CCDC171: variants seen among roughly 807,000 people sequenced by gnomAD.
CCDC171 encodes coiled-coil domain-containing protein 171.
CCDC171 carries 177 observed loss-of-function variants against 168.2 expected under a neutral mutation model. That is an observed-to-expected ratio of 1.05 (90% CI 0.93 to 1.19). The LOEUF (loss-of-function observed/expected upper bound fraction) is 1.19. Ranked by LOEUF, CCDC171 falls within the 50% of genes most tolerant of loss-of-function variation. The pLI, the probability that CCDC171 is intolerant of heterozygous loss-of-function variation, is 0.00. For synonymous variants in CCDC171, 687 were observed against 540.8 expected, an observed-to-expected ratio of 1.27 and a Z score of -3.75; for missense variants, 1,991 against 1,539.0, an observed-to-expected ratio of 1.29 and a Z score of -4.91.
intron 24 of CCDC171, among the ~76,000 whole-genome samples, chr9:15,897,641 A>G (rs1420367435): frequency 6.6e-6 from 1 of 152,144 alleles, no homozygotes; most frequent in Admixed American, 6.6e-5. Context: ...CTGGTGTCAT[A>G]GCAAAATTCA....
At chr9:16,084,862 T>C in the CCDC171 span, among the ~76,000 whole-genome samples, 1 of 152,126 alleles carries the variant, frequency 6.6e-6, no homozygotes. Context: ...AGAATGAACA[T>C]GGAATTTCCT....
intron 3 of CCDC171, among the ~76,000 whole-genome samples, chr9:16,002,475 T>C (rs999750746): frequency 3.3e-5 from 5 of 151,866 alleles, no homozygotes; most frequent in Non-Finnish European, 7.4e-5. Flanking sequence ...AGAAAGAAAA[T>C]AGTTTTGTAC....
upstream of CCDC171, among the ~76,000 whole-genome samples, chr9:16,039,497 A>C (rs78982569): frequency 0.016 from 2,480 of 152,310 alleles, 65 homozygotes; most frequent in African/African-American, 0.057. Flanking sequence ...GGAAGAATAC[A>C]GTGGCTCAGA....
At chr9:16,019,303 A>T (rs1163813261) in intron 3 of CCDC171, among the ~76,000 whole-genome samples, 2 of 152,130 alleles carry the variant, frequency 1.3e-5, no homozygotes, top group Non-Finnish European at 2.9e-5. Context: ...AGTGGTGGGG[A>T]TGAATCTGAG....
chr9:15,584,137 G>A (rs1563986515), intron 4 of CCDC171, among the ~76,000 whole-genome samples: 1 of 152,196 alleles, frequency 6.6e-6, no homozygotes. Context: ...AAAGTGCTGG[G>A]ATTACAGGCG....
chr9:15,774,769 C>G (rs1377631405), intron 18 of CCDC171, among the ~76,000 whole-genome samples: 1 of 152,228 alleles, frequency 6.6e-6, no homozygotes, highest in Non-Finnish European at 1.5e-5. Context: ...GAATACTACT[C>G]AGCCACAAAA....
At chr9:16,006,470 G>A (rs1377290999) in intron 3 of CCDC171, among the ~76,000 whole-genome samples, 2 of 152,092 alleles carry the variant, frequency 1.3e-5, no homozygotes, top group African/African-American at 2.4e-5. Context: ...TAGGGTACAT[G>A]TGCACAACGT....
chr9:15,900,848 C>G (rs1312469536), intron 24 of CCDC171, among the ~76,000 whole-genome samples: 2 of 152,128 alleles, frequency 1.3e-5, no homozygotes, highest in African/African-American at 4.8e-5. Flanking sequence ...GTTTTTGTTT[C>G]TGGGGACAAA....
At chr9:15,676,013 C>A (rs1397390800) in intron 9 of CCDC171, among the ~76,000 whole-genome samples, 1 of 152,178 alleles carries the variant, frequency 6.6e-6, no homozygotes, top group South Asian at 2.1e-4. Context: ...GTACACCAAT[C>A]AAATGCAGGT....
At chr9:15,902,273 TATATATATAC>T (rs1563967321) in intron 24 of CCDC171, among the ~76,000 whole-genome samples, 158 of 86,924 alleles carry the variant, frequency 1.8e-3, no homozygotes, top group African/African-American at 5.3e-3. Flanking sequence ...TATATATATA[TATATATATAC>T]ACACACACAC....
chr9:15,654,668 G>T (rs749910813), intron 7 of CCDC171, among the ~76,000 whole-genome samples: 1 of 152,090 alleles, frequency 6.6e-6, no homozygotes. Flanking sequence ...GGCTAAGGGG[G>T]TGGAGCCAAG....
At chr9:15,860,212 T>C (rs778925126) in intron 23 of CCDC171, among the ~76,000 whole-genome samples, 7 of 151,810 alleles carry the variant, frequency 4.6e-5, no homozygotes, top group Non-Finnish European at 7.4e-5. Context: ...TTTCAAAATA[T>C]AAACTCTTAG....
At chr9:16,092,183 C>A in the CCDC171 span, among the ~76,000 whole-genome samples, 1 of 152,252 alleles carries the variant, frequency 6.6e-6, no homozygotes, top group African/African-American at 2.4e-5. Flanking sequence ...TCCAGGTTTC[C>A]TTCATTCCCT....
At chr9:15,839,081 G>A (rs898597294) in intron 21 of CCDC171, among the ~76,000 whole-genome samples, 1 of 152,106 alleles carries the variant, frequency 6.6e-6, no homozygotes, top group Admixed American at 6.6e-5. Flanking sequence ...ATGGAGTGCT[G>A]TACAATTCAT....
rs545021243 is a variant in CCDC171, at chr9:15,781,471, G to T, written c.3081+2321G>T. 3.3e-5 allele frequency among the ~76,000 whole-genome samples: 5 copies of T among 152,308 alleles called. No individual in the cohort carries two copies. The East Asian group carries it at 9.6e-4, about 29-fold the overall frequency. ...CTCGCTCTGTCACCCAGGCCGGAGT[G>T]CAGTGGTACGATCTCAGCTCACTGC... On this transcript the variant is annotated intron_variant, in intron 20 of 25. Coordinates refer to ENST00000380701, the MANE Select transcript of CCDC171 (RefSeq NM_173550.4).
chr9:15,831,015 G>T (rs550990973), intron 21 of CCDC171, among the ~76,000 whole-genome samples: 1 of 145,802 alleles, frequency 6.9e-6, no homozygotes, highest in East Asian at 2.0e-4. Context: ...TGCCGCCCAG[G>T]CTGGAGCGCA....
intron 24 of CCDC171, among the ~76,000 whole-genome samples, chr9:15,918,323 C>T (rs976106685): frequency 6.8e-6 from 1 of 147,818 alleles, no homozygotes; most frequent in Non-Finnish European, 1.5e-5. Flanking sequence ...TGGAAGTAGA[C>T]AAGAAAACGA....
At chr9:16,037,977 A>T (rs566090063), upstream of CCDC171, among the ~76,000 whole-genome samples, 2 of 152,214 alleles carry the variant, frequency 1.3e-5, no homozygotes, top group Non-Finnish European at 2.9e-5. Flanking sequence ...CTGAATAAGT[A>T]AGTGTGAATT....
intron 9 of CCDC171, 72 bp downstream of exon 9, chr9:15,666,395 A>T (rs2048736820): frequency 9.4e-7 from 1 of 1,064,044 alleles, no homozygotes; most frequent in South Asian, 1.7e-5. Flanking sequence ...ATATGAATGT[A>T]TACTATGTAT....
Sources: allele counts gnomAD v4.1 joint callset (sites outside exome capture counted in the v4.1 genomes callset), GRCh38; gene constraint gnomAD v4.1.1; transcripts MANE v1.5; gene names NCBI Gene and HGNC (gene_info 2026-07-23, HGNC 2026-07-21).